Variants in GALNT17 observed in about 807,000 individuals in gnomAD.
GALNT17 encodes the protein polypeptide N-acetylgalactosaminyltransferase 17, also known as UDP-GalNAc:polypeptide N-acetylgalactosaminyltransferase-like 3.
In GALNT17, 29 loss-of-function variants were observed where a neutral mutation model predicts 63.7. The observed-to-expected ratio is 0.46, with a 90% CI of 0.34 to 0.62. GALNT17 has a LOEUF of 0.62. Ranked by LOEUF, GALNT17 falls within the 20% of genes least tolerant of loss-of-function variation. The pLI is 0.01. For missense variants in GALNT17, 603 were observed against 799.6 expected, an observed-to-expected ratio of 0.75 and a Z score of 2.97; for synonymous variants, 305 against 318.3, an observed-to-expected ratio of 0.96 and a Z score of 0.45.
At chr7:71,208,541 C>T (rs1311389814) in intron 1 of GALNT17, among the ~76,000 whole-genome samples, 1 of 150,022 alleles carries the variant, frequency 6.7e-6, no homozygotes, top group Non-Finnish European at 1.5e-5. Flanking sequence ...GTCTTGACCT[C>T]CTGGGCTCAA....
chr7:71,504,361 C>T (rs1563141462), intron 5 of GALNT17, among the ~76,000 whole-genome samples: 2 of 151,828 alleles, frequency 1.3e-5, no homozygotes, highest in Non-Finnish European at 2.9e-5. Context: ...TACCGCTGCA[C>T]CCTGGGCGAC....
chr7:71,439,638 C>T (rs73175293), intron 5 of GALNT17, among the ~76,000 whole-genome samples: 21,760 of 152,148 alleles, frequency 0.14, 1,648 homozygotes, highest in Middle Eastern at 0.21. Context: ...TTCAGTGTTG[C>T]GGGCTGCCAA....
chr7:71,329,678 A>C (rs1357157927), intron 1 of GALNT17, among the ~76,000 whole-genome samples: 1 of 152,054 alleles, frequency 6.6e-6, no homozygotes, highest in African/African-American at 2.4e-5. Flanking sequence ...AGAAGGGGGA[A>C]GTGCTACACA....
At chr7:71,701,896 CACATAT>C (rs1194207480) in intron 9 of GALNT17, among the ~76,000 whole-genome samples, 2 of 99,848 alleles carry the variant, frequency 2.0e-5, no homozygotes, top group Non-Finnish European at 3.9e-5. Flanking sequence ...TATATATATA[CACATAT>C]ATATATATAC....
chr7:71,359,186 A>T (rs183497235), intron 2 of GALNT17, among the ~76,000 whole-genome samples: 1 of 152,222 alleles, frequency 6.6e-6, no homozygotes, highest in Non-Finnish European at 1.5e-5. Context: ...TGGATACTTT[A>T]TAAAGAAAAG....
chr7:71,280,935 G>A (rs966735500), intron 1 of GALNT17, among the ~76,000 whole-genome samples: 2 of 152,144 alleles, frequency 1.3e-5, no homozygotes, highest in African/African-American at 4.8e-5. Context: ...GAGAAGAGGG[G>A]ATTGGTTTCC....
At chr7:71,570,990 A>G (rs1789431869) in intron 5 of GALNT17, among the ~76,000 whole-genome samples, 2 of 152,182 alleles carry the variant, frequency 1.3e-5, no homozygotes, top group South Asian at 4.1e-4. Context: ...AAACAAAAAC[A>G]AAAACAAAAA....
At chr7:71,195,938 T>C (rs1229493104) in intron 1 of GALNT17, among the ~76,000 whole-genome samples, 1 of 152,020 alleles carries the variant, frequency 6.6e-6, no homozygotes, top group East Asian at 1.9e-4. Context: ...AATAAAAATC[T>C]TGCATACTAA....
At chr7:71,535,545 C>T (rs1468857544) in intron 5 of GALNT17, among the ~76,000 whole-genome samples, 1 of 152,182 alleles carries the variant, frequency 6.6e-6, no homozygotes, top group East Asian at 1.9e-4. Context: ...TTCTCACCTG[C>T]AAAGTAAATG....
At chr7:71,400,153 C>A (rs1006052695) in intron 3 of GALNT17, among the ~76,000 whole-genome samples, 1 of 151,878 alleles carries the variant, frequency 6.6e-6, no homozygotes, top group African/African-American at 2.4e-5. Flanking sequence ...CTCCCCTTGT[C>A]CCCCACCCCC....
At chr7:71,526,681 G>T (rs902977025) in intron 5 of GALNT17, among the ~76,000 whole-genome samples, 1 of 151,540 alleles carries the variant, frequency 6.6e-6, no homozygotes, top group Non-Finnish European at 1.5e-5. Context: ...CCCCACGCCT[G>T]ACTGATTGTT....
chr7:71,538,311 C>A lies in GALNT17; in HGVS notation c.963-32974C>A, dbSNP rs559292714. On this transcript the variant is annotated intron_variant, in intron 5 of 10. Transcript: ENST00000333538. ...GAGCTTGCCACGGCTATTTCAAGCA[C>A]CCCTCTCCTCCACGAAAGAGGAAAT... Among the ~76,000 whole-genome samples the A allele has an allele frequency of 2.0e-5, 3 of 152,234 alleles. No individual in the cohort carries two copies. The South Asian group carries it at 6.2e-4, about 32-fold the overall frequency.
At chr7:71,654,343 G>C (rs1352568416) in intron 6 of GALNT17, among the ~76,000 whole-genome samples, 2 of 152,190 alleles carry the variant, frequency 1.3e-5, no homozygotes, top group Non-Finnish European at 2.9e-5. Context: ...GGTTTTATGG[G>C]AGAGGGATAT....
intron 2 of GALNT17, among the ~76,000 whole-genome samples, chr7:71,363,608 C>T (rs1003480558): frequency 1.3e-5 from 2 of 152,236 alleles, no homozygotes; most frequent in East Asian, 1.9e-4. Flanking sequence ...CAAAACCAGC[C>T]TTCTTTAGTA....
At chr7:71,640,210 C>G (rs10271559) in intron 6 of GALNT17, among the ~76,000 whole-genome samples, 82,956 of 152,090 alleles carry the variant, frequency 0.55, 25,715 homozygotes, top group South Asian at 0.77. Context: ...GATATCCACG[C>G]AGACTTCTTA....
intron 5 of GALNT17, among the ~76,000 whole-genome samples, chr7:71,424,800 A>G (rs1191148204): frequency 6.6e-6 from 1 of 152,196 alleles, no homozygotes; most frequent in Non-Finnish European, 1.5e-5. Context: ...TGAAGCCAAC[A>G]TTTTAATAGT....
intron 3 of GALNT17, among the ~76,000 whole-genome samples, chr7:71,391,260 A>G (rs906305364): frequency 2.7e-4 from 41 of 152,138 alleles, no homozygotes; most frequent in African/African-American, 9.7e-4. Context: ...ATTGGGGTGA[A>G]GACTCACTGC....
chr7:71,343,659 C>G (rs1224984536), intron 2 of GALNT17, among the ~76,000 whole-genome samples: 1 of 152,036 alleles, frequency 6.6e-6, no homozygotes, highest in Admixed American at 6.6e-5. Flanking sequence ...TATAAATATT[C>G]TATTCTGTTT....
intron 9 of GALNT17, among the ~76,000 whole-genome samples, chr7:71,708,468 A>T (rs1041940633): frequency 6.6e-6 from 1 of 152,134 alleles, no homozygotes; most frequent in Non-Finnish European, 1.5e-5. Context: ...TCCCTCCCAC[A>T]ACACATGAGG....
Sources: gnomAD v4.1 joint callset for allele counts (sites outside exome capture counted in the v4.1 genomes callset) on GRCh38, gnomAD v4.1.1 for gene constraint, MANE v1.5 for transcripts, NCBI Gene and HGNC (gene_info 2026-07-23, HGNC 2026-07-21) for gene names.